PARD3B: variants seen among roughly 807,000 people sequenced by gnomAD.
PARD3B encodes the protein par-3 family cell polarity regulator beta.
Under a neutral mutation model 130.2 loss-of-function variants are expected in PARD3B, and 103 were observed. The ratio of observed to expected loss-of-function variants is 0.79; its 90% CI spans 0.67 to 0.93. The LOEUF (loss-of-function observed/expected upper bound fraction) is 0.93. PARD3B is among the 40% of genes least tolerant of loss of function. PARD3B has a pLI of 0.00. For synonymous variants in PARD3B, 583 were observed against 553.2 expected, an observed-to-expected ratio of 1.05 and a Z score of -0.76; for missense variants, 1,609 against 1,499.2, an observed-to-expected ratio of 1.07 and a Z score of -1.21.
intron 21 of PARD3B, among the ~76,000 whole-genome samples, chr2:205,551,326 T>C (rs1232993939): frequency 6.6e-6 from 1 of 151,636 alleles, no homozygotes; most frequent in Non-Finnish European, 1.5e-5. Context: ...GAGGACAATG[T>C]TTCTGTCCTT....
At chr2:205,156,989 A>T (rs2034211895) in intron 10 of PARD3B, among the ~76,000 whole-genome samples, 1 of 152,228 alleles carries the variant, frequency 6.6e-6, no homozygotes, top group Non-Finnish European at 1.5e-5. Context: ...AAATGAAGTG[A>T]TTTGAAGGTA....
intron 10 of PARD3B, among the ~76,000 whole-genome samples, chr2:205,130,895 C>T (rs575085188): frequency 2.0e-5 from 3 of 152,302 alleles, no homozygotes; most frequent in East Asian, 3.9e-4. Flanking sequence ...GATGCACATG[C>T]ATGTGGAACC....
At chr2:204,617,209 G>T (rs904232092) in intron 1 of PARD3B, among the ~76,000 whole-genome samples, 2 of 152,078 alleles carry the variant, frequency 1.3e-5, no homozygotes, top group Non-Finnish European at 2.9e-5. Flanking sequence ...CAGGTAAATG[G>T]TACAACCTCA....
chr2:204,945,551 A>G (rs764304612), intron 2 of PARD3B, among the ~76,000 whole-genome samples: 2 of 152,214 alleles, frequency 1.3e-5, no homozygotes, highest in African/African-American at 2.4e-5. Flanking sequence ...GCAACTAGCT[A>G]CAAGGAAGTG....
chr2:204,597,195 A>C (rs1055201302), intron 1 of PARD3B, among the ~76,000 whole-genome samples: 1 of 151,448 alleles, frequency 6.6e-6, no homozygotes, highest in African/African-American at 2.4e-5. Flanking sequence ...GTTCTGTGTA[A>C]TGCTTCCACA....
intron 19 of PARD3B, among the ~76,000 whole-genome samples, chr2:205,409,260 A>G (rs557425112): frequency 3.5e-4 from 53 of 152,196 alleles, no homozygotes; most frequent in Non-Finnish European, 5.4e-4. Context: ...CATCTTTCCT[A>G]GAATGAGAAT....
At chr2:204,616,148 T>C (rs1337550446) in intron 1 of PARD3B, among the ~76,000 whole-genome samples, 2 of 152,204 alleles carry the variant, frequency 1.3e-5, no homozygotes, top group African/African-American at 4.8e-5. Context: ...TAAGAATTTC[T>C]GTTTTGTGAA....
intron 16 of PARD3B, among the ~76,000 whole-genome samples, chr2:205,252,255 C>A (rs925606100): frequency 1.3e-5 from 2 of 152,030 alleles, no homozygotes; most frequent in Non-Finnish European, 1.5e-5. Context: ...TATTTTAGTT[C>A]CACTCATGTT....
intron 6 of PARD3B, among the ~76,000 whole-genome samples, chr2:205,117,346 C>G (rs2029941884): frequency 6.6e-6 from 1 of 152,206 alleles, no homozygotes. Context: ...CCTGAGCCTT[C>G]CCTGCAGTAG....
At chr2:205,431,140 G>A (rs753503961) in intron 19 of PARD3B, among the ~76,000 whole-genome samples, 11 of 152,232 alleles carry the variant, frequency 7.2e-5, no homozygotes, top group East Asian at 1.9e-4. Flanking sequence ...GCAATGGCAC[G>A]ATCTTGGCTC....
intron 10 of PARD3B, among the ~76,000 whole-genome samples, chr2:205,147,620 G>GA (rs1260252792): frequency 3.3e-5 from 5 of 151,542 alleles, no homozygotes; most frequent in East Asian, 1.9e-4. Flanking sequence ...TTAAAAACAT[G>GA]AAAAAAAATG....
At chr2:205,282,293 G>T (rs955114926) in intron 16 of PARD3B, among the ~76,000 whole-genome samples, 1 of 151,622 alleles carries the variant, frequency 6.6e-6, no homozygotes, top group Non-Finnish European at 1.5e-5. Flanking sequence ...CATCTTCCTG[G>T]TCTCTTTCTT....
At chr2:205,613,513 T>G (rs2055311718) in intron 22 of PARD3B, among the ~76,000 whole-genome samples, 1 of 152,160 alleles carries the variant, frequency 6.6e-6, no homozygotes, top group South Asian at 2.1e-4. Context: ...AAAGGTGAAA[T>G]CCAGAGCCTT....
At chr2:204,998,353 T>TAC (rs1694458703) in intron 3 of PARD3B, among the ~76,000 whole-genome samples, 2 of 75,738 alleles carry the variant, frequency 2.6e-5, no homozygotes, top group Non-Finnish European at 4.9e-5. Flanking sequence ...TATATATATA[T>TAC]ATATATGTGT....
intron 2 of PARD3B, among the ~76,000 whole-genome samples, chr2:204,947,522 T>C (rs1689423461): frequency 6.7e-6 from 1 of 150,362 alleles, no homozygotes; most frequent in Non-Finnish European, 1.5e-5. Context: ...AGAACTATTT[T>C]CAAGGTATCC....
chr2:205,330,697 A>C (rs941810878), intron 18 of PARD3B, among the ~76,000 whole-genome samples: 2 of 152,240 alleles, frequency 1.3e-5, no homozygotes, highest in Non-Finnish European at 2.9e-5. Context: ...TTTTGTTTTA[A>C]AATGAGCCTA....
chr2:205,007,000 C>G (rs1309516554), intron 3 of PARD3B, among the ~76,000 whole-genome samples: 1 of 151,974 alleles, frequency 6.6e-6, no homozygotes, highest in Non-Finnish European at 1.5e-5. Flanking sequence ...TGTTCTAACC[C>G]GAATCTCATC....
chr2:204,880,848 G>A (rs1019478889), intron 2 of PARD3B, among the ~76,000 whole-genome samples: 2 of 152,044 alleles, frequency 1.3e-5, no homozygotes, highest in Admixed American at 6.5e-5. Context: ...TTACCTAGGA[G>A]TAGAGCCAAC....
chr2:205,045,959 T>G (rs1698746847), intron 3 of PARD3B, among the ~76,000 whole-genome samples: 2 of 152,172 alleles, frequency 1.3e-5, no homozygotes, highest in South Asian at 4.1e-4. Context: ...TTTTGTTTAT[T>G]TTCTCCCATT....
Sources: allele counts gnomAD v4.1 joint callset (sites outside exome capture counted in the v4.1 genomes callset), GRCh38; gene constraint gnomAD v4.1.1; transcripts MANE v1.5; gene names NCBI Gene and HGNC (gene_info 2026-07-23, HGNC 2026-07-21).